Variants in GLT8D2 observed in about 807,000 individuals in gnomAD.
The protein encoded by GLT8D2 is glycosyltransferase 8 domain containing 2.
A neutral mutation model predicts 44.5 loss-of-function variants in GLT8D2; 45 were observed. The ratio of observed to expected loss-of-function variants is 1.01; its 90% CI spans 0.80 to 1.30. The LOEUF (loss-of-function observed/expected upper bound fraction) is 1.30, where lower values mean the gene tolerates loss of function less well. GLT8D2 is among the 50% of genes most tolerant of loss of function. The pLI, the probability that GLT8D2 is intolerant of heterozygous loss-of-function variation, is 0.00. For synonymous variants in GLT8D2, 156 were observed against 157.2 expected (o/e 0.99, Z 0.06); for missense variants, 400 against 430.4 (o/e 0.93, Z 0.62).
In GLT8D2 at chr12:103,991,634, G is replaced by T. The variant is rs182537600; in HGVS notation, c.880+1758C>A. Among the ~76,000 whole-genome samples, 121 of 152,184 alleles carry T rather than the reference G, an allele frequency of 8.0e-4. No individual in the cohort carries two copies. The Middle Eastern group carries it at 0.01, about 13-fold the overall frequency. On this transcript the variant is annotated intron_variant, in intron 10 of 10. Coordinates refer to ENST00000360814, the MANE Select transcript of GLT8D2 (RefSeq NM_001384711.1). ...TTTGATGGGATCTGCACATGGAAAG[G>T]TTGATATTTGACCTAATGTTGAACC...
upstream of GLT8D2, among the ~76,000 whole-genome samples, chr12:104,053,579 T>C (rs1881900640): frequency 3.3e-5 from 5 of 152,214 alleles, no homozygotes; most frequent in Admixed American, 3.3e-4. Context: ...TTATTGCTGT[T>C]GTTTTTAAAC....
chr12:104,057,790 A>T (rs1882305017), intron 1 of GLT8D2, among the ~76,000 whole-genome samples: 2 of 152,202 alleles, frequency 1.3e-5, no homozygotes, highest in African/African-American at 4.8e-5. Flanking sequence ...TGTACTTTAC[A>T]TGTATTATTT....
chr12:104,051,748 GT>G (rs527838275), upstream of GLT8D2, among the ~76,000 whole-genome samples: 16 of 147,068 alleles, frequency 1.1e-4, no homozygotes, highest in African/African-American at 1.5e-4. Context: ...CCTTCCCAGT[GT>G]TTTTTTTTTA....
intron 1 of GLT8D2, among the ~76,000 whole-genome samples, chr12:104,040,797 T>C (rs1245670554): frequency 6.6e-6 from 1 of 152,218 alleles, no homozygotes; most frequent in Non-Finnish European, 1.5e-5. Context: ...TTTTAGCTTT[T>C]TAGATGCTGT....
chr12:104,061,959 A>T (rs1292666593), intron 1 of GLT8D2, among the ~76,000 whole-genome samples: 4 of 146,640 alleles, frequency 2.7e-5, no homozygotes, highest in African/African-American at 1.0e-4. Flanking sequence ...CCTGGGCAAC[A>T]AGAGCAAAAC....
At chr12:104,012,119 G>A (rs12811371) in intron 4 of GLT8D2, among the ~76,000 whole-genome samples, 5 of 143,440 alleles carry the variant, frequency 3.5e-5, no homozygotes, top group African/African-American at 1.0e-4. Context: ...GTGGTGAGCC[G>A]AGATGGCACC....
At chr12:103,998,070 C>T (rs573726789) in intron 6 of GLT8D2, among the ~76,000 whole-genome samples, 3 of 152,130 alleles carry the variant, frequency 2.0e-5, no homozygotes, top group Admixed American at 6.5e-5. Context: ...TTGCTTCCTC[C>T]GAAGTCATGG....
chr12:104,019,118 C>CTTTTTTTTTTTTTT (rs11291563), intron 3 of GLT8D2, among the ~76,000 whole-genome samples: 1 of 116,466 alleles, frequency 8.6e-6, no homozygotes, highest in Non-Finnish European at 1.7e-5. Context: ...ACTTCTTCTT[C>CTTTTTTTTTTTTTT]TTTTTTTTTT....
intron 1 of GLT8D2, among the ~76,000 whole-genome samples, chr12:104,036,369 T>C (rs978173322): frequency 1.1e-4 from 17 of 152,044 alleles, no homozygotes; most frequent in African/African-American, 4.1e-4. Context: ...GACTGGCAAA[T>C]TGGATAAAGA....
intron 4 of GLT8D2, among the ~76,000 whole-genome samples, chr12:104,003,792 G>A (rs1417676189): frequency 2.0e-5 from 3 of 152,070 alleles, no homozygotes; most frequent in Admixed American, 6.6e-5. Flanking sequence ...ACTTGAGAGA[G>A]GAAATAAACT....
upstream of GLT8D2, among the ~76,000 whole-genome samples, chr12:104,053,870 C>T (rs191471008): frequency 1.6e-3 from 231 of 143,514 alleles, no homozygotes; most frequent in Non-Finnish European, 1.7e-3. Flanking sequence ...GGCAACAGAG[C>T]AAGACTCCGT....
chr12:104,014,156 G>T, intron 4 of GLT8D2: 1 of 589,668 alleles, frequency 1.7e-6, no homozygotes, highest in South Asian at 2.1e-5. Flanking sequence ...TTGAGCCCAG[G>T]AGTTCAAGAT....
At chr12:104,034,937 C>T (rs1879761652) in intron 1 of GLT8D2, among the ~76,000 whole-genome samples, 1 of 152,190 alleles carries the variant, frequency 6.6e-6, no homozygotes, top group Non-Finnish European at 1.5e-5. Flanking sequence ...TGGGACGAAG[C>T]TTCCAGAGGA....
intron 4 of GLT8D2, among the ~76,000 whole-genome samples, chr12:104,007,944 G>A (rs1593537763): frequency 6.6e-6 from 1 of 152,180 alleles, no homozygotes; most frequent in Admixed American, 6.5e-5. Flanking sequence ...TGTAAGAAGT[G>A]CCTTTCGCCT....
At position 103,994,470 on chromosome 12, in the gene GLT8D2, T is replaced by G. The variant is rs200518430; in HGVS notation, c.632A>C (p.Lys211Thr). The change falls in exon 9 of 11, where the codon AAG (lysine) becomes ACG (threonine). Residue 211 changes from lysine to threonine, a missense_variant. Transcript: ENST00000360814. ...GATGCCAAGGTCCTTGATGGCCTTC[T>G]TCCGGTAGTCCAGATAGCCCATATA... ...NTYMGYLDYRKKAIKDLGISP... is the reference protein window; with the variant it reads ...NTYMGYLDYRTKAIKDLGISP... 2.9e-5 allele frequency: 46 copies of G among 1,613,958 alleles called. No individual in the cohort carries two copies. Among genetic ancestry groups the G allele is most frequent in the East Asian group, 8.9e-5 (4 of 44,900 alleles).
At chr12:104,016,819 G>GGAA (rs1876840024) in intron 3 of GLT8D2, among the ~76,000 whole-genome samples, 5 of 66,180 alleles carry the variant, frequency 7.6e-5, no homozygotes, top group Admixed American at 1.7e-4. Context: ...AAGAAAGAAA[G>GGAA]AGAAAGAAAA....
At chr12:103,998,829 G>A (rs181942365) in intron 6 of GLT8D2, among the ~76,000 whole-genome samples, 6 of 152,244 alleles carry the variant, frequency 3.9e-5, no homozygotes, top group Non-Finnish European at 8.8e-5. Flanking sequence ...TTACAAGCAC[G>A]AGCCAGCACG....
intron 1 of GLT8D2, chr12:104,031,496 C>T (rs1329888056): frequency 1.4e-5 from 22 of 1,613,014 alleles, no homozygotes; most frequent in Admixed American, 5.0e-5. Flanking sequence ...GGAGACGGTG[C>T]GCAAAGCCAT....
intron 1 of GLT8D2, among the ~76,000 whole-genome samples, chr12:104,025,500 C>T (rs1001109479): frequency 2.0e-5 from 3 of 152,140 alleles, no homozygotes; most frequent in Non-Finnish European, 2.9e-5. Context: ...TCAGCCACCA[C>T]ACCTGGCCTT....
Sources: gnomAD v4.1 joint callset for allele counts (sites outside exome capture counted in the v4.1 genomes callset) on GRCh38, gnomAD v4.1.1 for gene constraint, MANE v1.5 for transcripts, NCBI Gene and HGNC (gene_info 2026-07-23, HGNC 2026-07-21) for gene names.